Variants in MGAT5B observed in about 807,000 individuals in gnomAD.
MGAT5B encodes the protein N-acetylglucosaminyl-transferase Vb.
MGAT5B carries 54 observed loss-of-function variants against 95.1 expected under a neutral mutation model. That is an observed-to-expected ratio of 0.57 (90% CI 0.46 to 0.71). MGAT5B has a LOEUF of 0.71. Among genes scored for constraint, MGAT5B ranks in the 30% least tolerant of loss-of-function variants. The pLI is 0.00. For synonymous variants in MGAT5B, 464 were observed against 451.0 expected (o/e 1.03, Z -0.36); for missense variants, 935 against 1,088.6 (o/e 0.86, Z 1.99).
chr17:76,922,893 C>G (rs1598968875), intron 8 of MGAT5B, among the ~76,000 whole-genome samples: 1 of 152,142 alleles, frequency 6.6e-6, no homozygotes, highest in African/African-American at 2.4e-5. Flanking sequence ...GGCGGGGAAG[C>G]CAGTGTGGGG....
chr17:76,949,591 AC>A lies in MGAT5B; in HGVS notation c.*756del, dbSNP rs1970144939. 6.6e-6 allele frequency: 1 copy of A among 151,414 alleles called. No homozygotes were observed. Among genetic ancestry groups the A allele is most frequent in the East Asian group, 1.9e-4 (1 of 5,130 alleles). 9.4% of individuals were successfully genotyped at this position (151,414 alleles called of 1,614,324 possible). The stretch of plus-strand genomic sequence containing the variant: ...TTGTTTCTCTCTCCTGCTTGTTCCA[AC>A]CCTTTTCACTCTGGGCTTCTCCCAA... On this transcript the variant is annotated 3_prime_UTR_variant, in exon 18 of 18. Coordinates refer to ENST00000569840, the MANE Select transcript of MGAT5B (RefSeq NM_001199172.2).
At chr17:76,884,163 C>A (rs144690087) in intron 3 of MGAT5B, among the ~76,000 whole-genome samples, 297 of 152,338 alleles carry the variant, frequency 1.9e-3, no homozygotes, top group Middle Eastern at 3.4e-3. Flanking sequence ...TACCTCACAA[C>A]CATCTTATGG....
chr17:76,909,654 T>G (rs977914041), intron 8 of MGAT5B, among the ~76,000 whole-genome samples: 1 of 152,194 alleles, frequency 6.6e-6, no homozygotes, highest in Non-Finnish European at 1.5e-5. Context: ...CTTTCTTCGC[T>G]GCAACTCAGA....
intron 8 of MGAT5B, among the ~76,000 whole-genome samples, chr17:76,908,805 T>G (rs550379687): frequency 6.8e-6 from 1 of 146,570 alleles, no homozygotes; most frequent in South Asian, 2.2e-4. Context: ...CTCCCTACTC[T>G]GCTATCTTTT....
At position 76,875,064 on chromosome 17, in the gene MGAT5B, G is replaced by T. The variant is rs144671581; in HGVS notation, c.181+2101G>T. Among the ~76,000 whole-genome samples, 700 of 152,316 alleles carry T rather than the reference G, an allele frequency of 4.6e-3. 1 individual carries two copies. The highest frequency in any genetic ancestry group is 6.8e-3 in the Non-Finnish European group (462 of 68,020). On this transcript the variant is annotated intron_variant, in intron 2 of 17. Coordinates refer to ENST00000569840, the MANE Select transcript of MGAT5B (RefSeq NM_001199172.2). ...CAGAGCAAGGACCAGAACGTGATCA[G>T]TCCCCAAGTGTCCCCATGCCACTTC...
chr17:76,919,420 A>G (rs1485971201), intron 8 of MGAT5B, among the ~76,000 whole-genome samples: 2 of 152,112 alleles, frequency 1.3e-5, no homozygotes, highest in Non-Finnish European at 2.9e-5. Flanking sequence ...GTTGACTTAA[A>G]AATTATTTTT....
intron 1 of MGAT5B, among the ~76,000 whole-genome samples, chr17:76,871,835 A>G (rs1373193947): frequency 6.6e-6 from 1 of 152,172 alleles, no homozygotes; most frequent in Non-Finnish European, 1.5e-5. Flanking sequence ...TGATAGGTTC[A>G]AGTTCCCAGA....
At chr17:76,931,449 G>A (rs1463142548) in intron 10 of MGAT5B, among the ~76,000 whole-genome samples, 1 of 152,220 alleles carries the variant, frequency 6.6e-6, no homozygotes, top group African/African-American at 2.4e-5. Context: ...TGTCTGGTCG[G>A]TAAGTGCTGT....
At chr17:76,879,413 C>T (rs60345288) in intron 2 of MGAT5B, among the ~76,000 whole-genome samples, 22,156 of 152,206 alleles carry the variant, frequency 0.15, 2,512 homozygotes, top group African/African-American at 0.29. Flanking sequence ...GCCACGGCAC[C>T]GCTATGGTGT....
rs553388119 is a variant in MGAT5B at position 76,881,556 on chromosome 17, G to A, written c.182-595G>A. On this transcript the variant is annotated intron_variant, in intron 2 of 17. Coordinates refer to ENST00000569840, the MANE Select transcript of MGAT5B (RefSeq NM_001199172.2). ...AGGCTCCCAACTTCCCTGCATGTCC[G>A]GATCCATGGGGAGCAAGGAAAGTGC... is the stretch of plus-strand genomic sequence containing the variant. Among the ~76,000 whole-genome samples the A allele has an allele frequency of 3.3e-5, 5 of 152,328 alleles. No individual in the cohort carries two copies. In the South Asian group the frequency reaches 6.2e-4, roughly 19 times the overall value.
chr17:76,887,472 T>TCCC (rs1967685317), intron 3 of MGAT5B, among the ~76,000 whole-genome samples: 5 of 50,576 alleles, frequency 9.9e-5, no homozygotes, highest in Non-Finnish European at 1.7e-4. Flanking sequence ...CCTCCCTCCC[T>TCCC]TCCTCCCTCC....
At chr17:76,931,910 G>A (rs1969487123) in intron 10 of MGAT5B, among the ~76,000 whole-genome samples, 1 of 152,274 alleles carries the variant, frequency 6.6e-6, no homozygotes, top group African/African-American at 2.4e-5. Flanking sequence ...ACTGTGAGGA[G>A]GGCAGAGTCC....
intron 3 of MGAT5B, among the ~76,000 whole-genome samples, chr17:76,886,533 C>T (rs899989570): frequency 2.6e-5 from 4 of 152,226 alleles, no homozygotes; most frequent in Non-Finnish European, 4.4e-5. Context: ...CACCAAGTCC[C>T]CATGGCACAG....
chr17:76,871,513 G>C (rs2145107690), intron 1 of MGAT5B, among the ~76,000 whole-genome samples: 1 of 152,274 alleles, frequency 6.6e-6, no homozygotes, highest in Non-Finnish European at 1.5e-5. Context: ...TTAAATATGG[G>C]CTGGGAATTT....
chr17:76,923,163 G>T (rs1036190471), intron 8 of MGAT5B, among the ~76,000 whole-genome samples: 5 of 152,196 alleles, frequency 3.3e-5, no homozygotes, highest in Non-Finnish European at 5.9e-5. Flanking sequence ...CTGAGCATGC[G>T]CAAAGCGAGC....
rs1969752580 is a variant in MGAT5B, at chr17:76,938,637, TCAGCTGAGGCTGGAGAGTCTC to T, written c.1584+499_1584+519del. 6.6e-6 allele frequency among the ~76,000 whole-genome samples: 1 copy of T among 152,122 alleles called. No individual in the cohort carries two copies. Among genetic ancestry groups the T allele is most frequent in the South Asian group, 2.1e-4 (1 of 4,826 alleles). ...AAAACCCTGACTGGACCCTGGAGTA[TCAGCTGAGGCTGGAGAGTCTC>T]CAGCCAGCTTCTAGGCACCCCCTCA... On this transcript the variant is annotated intron_variant, in intron 13 of 17. Transcript: ENST00000569840. The surrounding 1 kb of genome is among the most constrained non-coding windows in gnomAD (Gnocchi z 4.3).
chr17:76,880,728 G>T (rs1195071012), intron 2 of MGAT5B, among the ~76,000 whole-genome samples: 1 of 152,192 alleles, frequency 6.6e-6, no homozygotes, highest in Admixed American at 6.5e-5. Context: ...CTCCCCAGGT[G>T]GGGAGACTGC....
In MGAT5B at chr17:76,906,296, C is replaced by T. The variant is rs1968526483; in HGVS notation, c.1025+109C>T. 1.8e-6 allele frequency: 2 copies of T among 1,088,392 alleles called. No homozygotes were observed. The highest frequency in any genetic ancestry group is 3.2e-5 in the Admixed American group (1 of 31,660). The allele number at this position is 1,088,392 out of a possible 1,614,324, so 67.4% of individuals were successfully genotyped here. A position where few individuals can be genotyped will look rare whatever the true frequency, so the allele number is the denominator to read the frequency against. ...GGGAGCACCTGCTCTGCCTGCAGGT[C>T]CCACGGCCCTGAGACCCTGGGAGAC... On this transcript the variant is annotated intron_variant, in intron 8 of 17. Transcript: ENST00000569840. This position sits in a 1 kb window ranked among gnomAD's most constrained non-coding sequence, Gnocchi z 4.6.
chr17:76,946,630 T>G (rs970228701), intron 16 of MGAT5B, among the ~76,000 whole-genome samples, 180 bp downstream of exon 16: 8 of 152,170 alleles, frequency 5.3e-5, no homozygotes, highest in Non-Finnish European at 1.2e-4. Flanking sequence ...CAGGCCTGAC[T>G]GCGGGCCTGG....
Sources: allele counts gnomAD v4.1 joint callset (sites outside exome capture counted in the v4.1 genomes callset), GRCh38; gene constraint gnomAD v4.1.1; non-coding constraint Gnocchi (gnomAD v3.1); transcripts MANE v1.5; gene names NCBI Gene and HGNC (gene_info 2026-07-23, HGNC 2026-07-21).